MAP3K4: variants seen among roughly 807,000 people sequenced by gnomAD.
MAP3K4 encodes MAP three kinase 1.
A neutral mutation model predicts 185.6 loss-of-function variants in MAP3K4; 67 were observed. That is an observed-to-expected ratio of 0.36 (90% CI 0.30 to 0.44). The LOEUF is 0.44. Ranked by LOEUF, MAP3K4 falls within the 20% of genes least tolerant of loss-of-function variation. MAP3K4 has a pLI of 1.00. For missense variants in MAP3K4, 1,551 were observed against 1,995.1 expected (o/e 0.78, Z 4.24); for synonymous variants, 702 against 710.4 (o/e 0.99, Z 0.19).
In MAP3K4 at chr6:161,008,047, C is replaced by T. The variant is rs138608535; in HGVS notation, c.152+15964C>T. 1.3e-3 allele frequency among the ~76,000 whole-genome samples: 199 copies of T among 152,068 alleles called. No homozygotes were observed. Among genetic ancestry groups the T allele is most frequent in the African/African-American group, 4.6e-3 (190 of 41,470 alleles). Reference sequence around the variant, plus strand: ...TTGTCTTCTATAAAATTCTGGTAAACCCATAAAGAGTAGAAAGAAGGTAGA... The same window carrying T: ...TTGTCTTCTATAAAATTCTGGTAAATCCATAAAGAGTAGAAAGAAGGTAGA... On this transcript the variant is annotated intron_variant, in intron 1 of 26. Coordinates refer to ENST00000392142, the MANE Select transcript of MAP3K4 (RefSeq NM_005922.4). The surrounding 1 kb of genome is among the most constrained non-coding windows in gnomAD (Gnocchi z 4.1).
rs116629716 is a variant in MAP3K4 at position 161,071,485 on chromosome 6, T to C, written c.1950+635T>C. On this transcript the variant is annotated intron_variant, in intron 4 of 26. Coordinates refer to ENST00000392142, the MANE Select transcript of MAP3K4 (RefSeq NM_005922.4). This position sits in a 1 kb window ranked among gnomAD's most constrained non-coding sequence, Gnocchi z 4.6. ...GACCTTGTCCCCAAAAGAAGAAAGG[T>C]TGGTATGTTTTTTGTAGACTGTACG... is the stretch of plus-strand genomic sequence containing the variant. 3.0e-3 allele frequency among the ~76,000 whole-genome samples: 461 copies of C among 152,142 alleles called. 5 individuals carry two copies. Among genetic ancestry groups the C allele is most frequent in the African/African-American group, 0.011 (446 of 41,516 alleles).
intron 19 of MAP3K4, among the ~76,000 whole-genome samples, chr6:161,105,582 C>T (rs763200289): frequency 1.3e-5 from 2 of 152,118 alleles, no homozygotes; most frequent in African/African-American, 2.4e-5. Flanking sequence ...CTAGAAGAGG[C>T]GTGGCATTTC....
intron 1 of MAP3K4, among the ~76,000 whole-genome samples, chr6:161,000,960 TATA>T (rs552875664): frequency 3.5e-4 from 48 of 139,004 alleles, no homozygotes; most frequent in Non-Finnish European, 6.2e-4. Context: ...GCATATTATA[TATA>T]ATATACACAT....
In MAP3K4 at chr6:161,082,764, T is replaced by G. The variant is rs1785516720; in HGVS notation, c.2255+1726T>G. Among the ~76,000 whole-genome samples, 1 of 152,182 alleles carries G rather than the reference T, an allele frequency of 6.6e-6. No homozygotes were observed. Among genetic ancestry groups the G allele is most frequent in the Non-Finnish European group, 1.5e-5 (1 of 68,036 alleles). ...TCTCAAGCACTCCACACTTCCACTC[T>G]TCCCAGGTTGTCATTTCTCACGTAT... is the stretch of plus-strand genomic sequence containing the variant. On this transcript the variant is annotated intron_variant, in intron 6 of 26. Coordinates refer to ENST00000392142, the MANE Select transcript of MAP3K4 (RefSeq NM_005922.4). The surrounding 1 kb of genome is among the most constrained non-coding windows in gnomAD (Gnocchi z 4.2).
chr6:161,058,523 AG>A (rs1784341496), intron 3 of MAP3K4, among the ~76,000 whole-genome samples: 1 of 152,200 alleles, frequency 6.6e-6, no homozygotes, highest in Non-Finnish European at 1.5e-5. Context: ...TTTAAAAAAC[AG>A]TATGCTTTTG....
intron 1 of MAP3K4, among the ~76,000 whole-genome samples, chr6:161,015,046 T>A (rs781676201): frequency 3.3e-5 from 5 of 152,166 alleles, no homozygotes; most frequent in Non-Finnish European, 7.4e-5. Context: ...TTCTTTCACT[T>A]AGCGTAAGAT....
chr6:161,099,315 G>A (rs555123253), intron 17 of MAP3K4, among the ~76,000 whole-genome samples: 1 of 152,230 alleles, frequency 6.6e-6, no homozygotes, highest in East Asian at 1.9e-4. Flanking sequence ...TTTTAAAACA[G>A]ACTAAAATGT....
At chr6:161,055,645 T>A (rs1156864814) in intron 3 of MAP3K4, among the ~76,000 whole-genome samples, 2 of 152,216 alleles carry the variant, frequency 1.3e-5, no homozygotes, top group Admixed American at 6.5e-5. Flanking sequence ...CACATTGCAT[T>A]TAATTGTCAT....
Position 161,067,288 on chromosome 6 carries a change from A to G in MAP3K4, c.1708-3320A>G, listed in dbSNP as rs1478663052. 2.3e-6 allele frequency: 1 copy of G among 435,300 alleles called. No homozygotes were observed. The highest frequency in any genetic ancestry group is 4.6e-6 in the Non-Finnish European group (1 of 216,812). The allele number at this position is 435,300 out of a possible 1,614,324, so 27.0% of individuals were successfully genotyped here. A position where few individuals can be genotyped will look rare whatever the true frequency, so the allele number is the denominator to read the frequency against. On this transcript the variant is annotated intron_variant, in intron 3 of 26. Coordinates refer to ENST00000392142, the MANE Select transcript of MAP3K4 (RefSeq NM_005922.4). The surrounding 1 kb of genome is among the most constrained non-coding windows in gnomAD (Gnocchi z 6.3). ...AACTCGAAGCAGGGATGGGGCTTGC[A>G]GGTCACAGGTAGGTAAGAGACAAAA... is the stretch of plus-strand genomic sequence containing the variant.
chr6:161,010,919 A>G (rs1431087287), intron 1 of MAP3K4, among the ~76,000 whole-genome samples: 1 of 152,172 alleles, frequency 6.6e-6, no homozygotes, highest in African/African-American at 2.4e-5. Context: ...TCTGAGTGTT[A>G]GAAGCGTGTG....
chr6:161,067,888 C>T lies in MAP3K4; in HGVS notation c.1708-2720C>T, dbSNP rs1211045428. 6.6e-6 allele frequency among the ~76,000 whole-genome samples: 1 copy of T among 152,156 alleles called. No homozygotes were observed. Among genetic ancestry groups the T allele is most frequent in the Non-Finnish European group, 1.5e-5 (1 of 68,026 alleles). On this transcript the variant is annotated intron_variant, in intron 3 of 26. Coordinates refer to ENST00000392142, the MANE Select transcript of MAP3K4 (RefSeq NM_005922.4). The surrounding 1 kb of genome is among the most constrained non-coding windows in gnomAD (Gnocchi z 6.3). ...AAACATCCACTTTTAAAACTGTAGA[C>T]CTTGTCAATCTGTCACTAACATAAT...
rs778757981 is a variant in MAP3K4, at chr6:161,049,955, G to A, written c.1683G>A (p.Leu561=). The change falls in exon 3 of 27, where the codon TTG becomes TTA. Residue 561 remains leucine (L), a synonymous_variant. Transcript: ENST00000392142. This position sits in a 1 kb window ranked among gnomAD's most constrained non-coding sequence, Gnocchi z 8.4. Reference sequence around the variant, plus strand: ...CCTTGCAAAGGGCACGTATAGCATTGGTAAAGAACGATCGTCCAGTGGAGG... The same window carrying A: ...CCTTGCAAAGGGCACGTATAGCATTAGTAAAGAACGATCGTCCAGTGGAGG... ...DGSLQRARIA[L]VKNDRPVEFS... is the part of the protein sequence containing the mutation. The A allele has an allele frequency of 1.2e-6, 2 of 1,611,040 alleles. No individual in the cohort carries two copies. The highest frequency in any genetic ancestry group is 1.7e-6 in the Non-Finnish European group (2 of 1,178,614).
Position 161,047,550 on chromosome 6 carries a change from G to A in MAP3K4, c.344-1066G>A, listed in dbSNP as rs542677264. 7.2e-5 allele frequency among the ~76,000 whole-genome samples: 11 copies of A among 152,264 alleles called. No individual in the cohort carries two copies. The South Asian group carries it at 2.1e-3, about 29-fold the overall frequency. ...TTCAATGAAATAAACTATGCCTTGA[G>A]TGTAGAGGGTAGATTGAGATGGCGT... On this transcript the variant is annotated intron_variant, in intron 2 of 26. Coordinates refer to ENST00000392142, the MANE Select transcript of MAP3K4 (RefSeq NM_005922.4).
intron 11 of MAP3K4, among the ~76,000 whole-genome samples, chr6:161,090,394 G>T (rs897631159): frequency 1.3e-5 from 2 of 151,960 alleles, no homozygotes; most frequent in South Asian, 2.1e-4. Context: ...GGATGTGGAC[G>T]TTTGGGCCCG....
At position 161,048,962 on chromosome 6, in the gene MAP3K4, A is replaced by G. The variant is rs776764385; in HGVS notation, c.690A>G (p.Arg230=). The change falls in exon 3 of 27, where the codon CGA becomes CGG. Residue 230 remains arginine (R), a synonymous_variant. Coordinates refer to ENST00000392142, the MANE Select transcript of MAP3K4 (RefSeq NM_005922.4). This position sits in a 1 kb window ranked among gnomAD's most constrained non-coding sequence, Gnocchi z 4.7. The part of the protein sequence containing the change: ...ADRLKFFETL[R]LLLKLTSVSK... The stretch of plus-strand genomic sequence containing the variant: ...GTTTAAAGTTTTTTGAAACTTTACG[A>G]CTTTTGCTAAAGCTTACCTCAGTCT... The G allele has an allele frequency of 3.1e-6, 5 of 1,613,846 alleles. No homozygotes were observed. The Admixed American group carries it at 8.3e-5, about 27-fold the overall frequency.
At position 161,096,163 on chromosome 6, in the gene MAP3K4, G is replaced by A. The variant is rs1777562049; in HGVS notation, c.3428-917G>A. Among the ~76,000 whole-genome samples, 1 of 152,072 alleles carries A rather than the reference G, an allele frequency of 6.6e-6. No individual in the cohort carries two copies. The highest frequency in any genetic ancestry group is 2.4e-5 in the African/African-American group (1 of 41,406). On this transcript the variant is annotated intron_variant, in intron 15 of 26. Coordinates refer to ENST00000392142, the MANE Select transcript of MAP3K4 (RefSeq NM_005922.4). The surrounding 1 kb of genome is among the most constrained non-coding windows in gnomAD (Gnocchi z 4.9). ...CCTTAAGTTTTGTTTTGTAAGTTCT[G>A]TAAGGGAACTTCAGATCTCTCCATT...
rs538743696 is a variant in MAP3K4 at position 161,029,765 on chromosome 6, T to C, written c.153-4494T>C. Among the ~76,000 whole-genome samples, 7 of 152,324 alleles carry C rather than the reference T, an allele frequency of 4.6e-5. No individual in the cohort carries two copies. The South Asian group carries it at 1.5e-3, about 32-fold the overall frequency. ...ATTACAAAATGAGGTTTTGGATGCT[T>C]ACGGTTAGTTAATTGAAATGATGCA... On this transcript the variant is annotated intron_variant, in intron 1 of 26. Transcript: ENST00000392142.
rs1321935484 is a variant in MAP3K4, at chr6:161,075,515, C to A, written c.2097+1903C>A. On this transcript the variant is annotated intron_variant, in intron 5 of 26. Transcript: ENST00000392142. The surrounding 1 kb of genome is among the most constrained non-coding windows in gnomAD (Gnocchi z 4.3). ...CTTGAAAAGTTGTGGAAAAAAGCAA[C>A]AAGCAAATTATTATTTTTCTCTCTT... Among the ~76,000 whole-genome samples, 4 of 152,154 alleles carry A rather than the reference C, an allele frequency of 2.6e-5. No homozygotes were observed. The highest frequency in any genetic ancestry group is 2.6e-4 in the Admixed American group (4 of 15,270).
intron 6 of MAP3K4, 27 bp downstream of exon 6, chr6:161,081,065 G>A (rs369343328): frequency 1.5e-4 from 240 of 1,608,752 alleles, no homozygotes; most frequent in Non-Finnish European, 2.0e-4. Context: ...TTCTGAACGC[G>A]ACGCTCCCAC....
Sources: allele counts gnomAD v4.1 joint callset (sites outside exome capture counted in the v4.1 genomes callset), GRCh38; gene constraint gnomAD v4.1.1; non-coding constraint Gnocchi (gnomAD v3.1); transcripts MANE v1.5; gene names NCBI Gene and HGNC (gene_info 2026-07-23, HGNC 2026-07-21).